The following LARGE1 variants were observed in gnomAD, a reference collection of about 807,000 sequenced individuals.
LARGE1 encodes the protein xylosyl- and glucuronyltransferase LARGE1.
Under a neutral mutation model 87.6 loss-of-function variants are expected in LARGE1, and 43 were observed. The ratio of observed to expected loss-of-function variants is 0.49; its 90% CI spans 0.38 to 0.63. The LOEUF (loss-of-function observed/expected upper bound fraction) is 0.63. LARGE1 is among the 30% of genes least tolerant of loss of function. The pLI is 0.00. For missense variants in LARGE1, 802 were observed against 1,000.2 expected, an observed-to-expected ratio of 0.80 and a Z score of 2.67; for synonymous variants, 434 against 394.6, an observed-to-expected ratio of 1.10 and a Z score of -1.18.
intron 6 of LARGE1, among the ~76,000 whole-genome samples, chr22:33,437,587 T>C (rs987419980): frequency 1.1e-4 from 17 of 152,284 alleles, no homozygotes; most frequent in African/African-American, 3.9e-4. Flanking sequence ...GCATTTGCTC[T>C]TATGGAAGCA....
intron 6 of LARGE1, among the ~76,000 whole-genome samples, chr22:33,523,764 C>T (rs945518133): frequency 2.0e-5 from 3 of 151,988 alleles, no homozygotes; most frequent in Non-Finnish European, 4.4e-5. Context: ...ACAATAGATG[C>T]ATATGAAATT....
At chr22:33,330,968 C>T (rs770761453) in intron 10 of LARGE1, among the ~76,000 whole-genome samples, 7 of 152,224 alleles carry the variant, frequency 4.6e-5, no homozygotes, top group Non-Finnish European at 8.8e-5. Context: ...CTCTCACATG[C>T]TTTACAGACA....
chr22:33,317,552 G>A (rs1446705012), intron 10 of LARGE1, among the ~76,000 whole-genome samples: 1 of 152,088 alleles, frequency 6.6e-6, no homozygotes, highest in East Asian at 1.9e-4. Flanking sequence ...TGTTTAACTA[G>A]CTGTACTTCT....
At chr22:33,747,981 G>A (rs1432797110) in intron 2 of LARGE1, among the ~76,000 whole-genome samples, 1 of 143,662 alleles carries the variant, frequency 7.0e-6, no homozygotes, top group African/African-American at 2.7e-5. Flanking sequence ...ATCCATCACT[G>A]GCTGTGTGCC....
chr22:33,585,779 AT>A (rs2078654366), intron 5 of LARGE1, among the ~76,000 whole-genome samples: 1 of 152,242 alleles, frequency 6.6e-6, no homozygotes, highest in East Asian at 1.9e-4. Flanking sequence ...GCAGGGAGGA[AT>A]CACTGTAGCT....
intron 9 of LARGE1, among the ~76,000 whole-genome samples, chr22:33,351,540 A>G (rs1426379709): frequency 6.6e-6 from 1 of 152,146 alleles, no homozygotes; most frequent in Non-Finnish European, 1.5e-5. Context: ...AAAGTATAAA[A>G]TAAATGAGTA....
chr22:33,732,188 C>A (rs1286418417), intron 2 of LARGE1: 2 of 152,218 alleles, frequency 1.3e-5, no homozygotes, highest in African/African-American at 4.8e-5. Context: ...AAATGAGACA[C>A]AAGAACAGCA....
intron 6 of LARGE1, among the ~76,000 whole-genome samples, chr22:33,432,860 T>C (rs1307095889): frequency 6.6e-6 from 1 of 152,178 alleles, no homozygotes; most frequent in African/African-American, 2.4e-5. Context: ...CTTTCAAATA[T>C]ATTTATCTTG....
the LARGE1 span, among the ~76,000 whole-genome samples, chr22:33,085,823 T>C: frequency 6.6e-6 from 1 of 152,184 alleles, no homozygotes; most frequent in African/African-American, 2.4e-5. Flanking sequence ...GAGTGTGATA[T>C]TGTCTAGGAA....
At chr22:33,078,102 G>A in the LARGE1 span, among the ~76,000 whole-genome samples, 53 of 152,094 alleles carry the variant, frequency 3.5e-4, no homozygotes, top group African/African-American at 1.2e-3. Context: ...TTTCTCCGGT[G>A]ATTTCTCTTT....
chr22:33,276,056 T>C (rs1049940458), intron 14 of LARGE1, among the ~76,000 whole-genome samples: 3 of 152,164 alleles, frequency 2.0e-5, no homozygotes, highest in Non-Finnish European at 2.9e-5. Context: ...CTCAAACATA[T>C]TGGAACTATT....
At chr22:33,624,407 C>T (rs116844842) in intron 4 of LARGE1, among the ~76,000 whole-genome samples, 9 of 152,076 alleles carry the variant, frequency 5.9e-5, no homozygotes, top group Middle Eastern at 3.4e-3. Context: ...GGCTGGTAGA[C>T]GAGAAACCCC....
chr22:33,265,793 T>G (rs1469694312), intron 11 of LARGE1, among the ~76,000 whole-genome samples: 4 of 152,198 alleles, frequency 2.6e-5, no homozygotes, highest in Admixed American at 1.3e-4. Context: ...TAAGGCTCCA[T>G]AAATATCTGG....
intron 11 of LARGE1, among the ~76,000 whole-genome samples, chr22:33,263,966 G>T (rs1927787863): frequency 6.6e-6 from 1 of 152,202 alleles, no homozygotes; most frequent in African/African-American, 2.4e-5. Flanking sequence ...TTTGTGCTTT[G>T]ATCTGCCCCT....
chr22:33,303,679 T>C (rs1464062423), intron 12 of LARGE1, among the ~76,000 whole-genome samples: 2 of 152,130 alleles, frequency 1.3e-5, no homozygotes, highest in African/African-American at 2.4e-5. Context: ...TGGAGTGCAG[T>C]GGAGCAATCT....
chr22:33,661,808 G>A (rs1223961148), intron 2 of LARGE1, among the ~76,000 whole-genome samples: 1 of 152,082 alleles, frequency 6.6e-6, no homozygotes, highest in Non-Finnish European at 1.5e-5. Flanking sequence ...TAATTGGACT[G>A]CATCAGAATT....
intron 6 of LARGE1, among the ~76,000 whole-genome samples, chr22:33,462,687 A>G (rs1355250258): frequency 1.3e-5 from 2 of 152,190 alleles, no homozygotes; most frequent in East Asian, 3.9e-4. Context: ...AGGCTGAGGC[A>G]GGATAATTGC....
intron 5 of LARGE1, among the ~76,000 whole-genome samples, chr22:33,591,054 A>G (rs1235307837): frequency 6.6e-6 from 1 of 152,062 alleles, no homozygotes; most frequent in African/African-American, 2.4e-5. Context: ...TACAGAAATT[A>G]GCTGGGCGTG....
intron 3 of LARGE1, 57 bp from the exon 4 acceptor site, chr22:33,626,383 G>A: frequency 1.4e-6 from 2 of 1,381,480 alleles, no homozygotes; most frequent in Non-Finnish European, 2.1e-6. Flanking sequence ...GGCCTTCCTG[G>A]TGCTTCAGAT....
Sources: gnomAD v4.1 joint callset for allele counts (sites outside exome capture counted in the v4.1 genomes callset) on GRCh38, gnomAD v4.1.1 for gene constraint, MANE v1.5 for transcripts, NCBI Gene and HGNC (gene_info 2026-07-23, HGNC 2026-07-21) for gene names.